Variants in DTWD2 observed in about 807,000 individuals in gnomAD.
DTWD2 encodes DTW motif tRNA-uridine aminocarboxypropyltransferase 2, also known as tRNA-uridine aminocarboxypropyltransferase 2.
In DTWD2, 39 loss-of-function variants were observed where a neutral mutation model predicts 31.8. The observed-to-expected ratio is 1.22, with a 90% CI of 0.95 to 1.60. The LOEUF is 1.60. Ranked by LOEUF, DTWD2 falls within the 40% of genes most tolerant of loss-of-function variation. The probability of loss-of-function intolerance (pLI) is 0.00; values close to 1 mark genes in which losing one functional copy is unlikely to be tolerated. For synonymous variants in DTWD2, 180 were observed against 142.8 expected (o/e 1.26, Z -1.86); for missense variants, 515 against 381.5 (o/e 1.35, Z -2.92).
intron 4 of DTWD2, among the ~76,000 whole-genome samples, chr5:118,920,778 G>T (rs1468228965): frequency 6.6e-6 from 1 of 152,126 alleles, no homozygotes; most frequent in Non-Finnish European, 1.5e-5. Flanking sequence ...ATATCTATGT[G>T]TTATTGTCAA....
intron 4 of DTWD2, among the ~76,000 whole-genome samples, chr5:118,896,690 A>C (rs1482251716): frequency 6.6e-6 from 1 of 152,234 alleles, no homozygotes; most frequent in Non-Finnish European, 1.5e-5. Context: ...ACATCAATTA[A>C]TACTGCTCAG....
At chr5:118,917,880 G>A (rs913752055) in intron 4 of DTWD2, among the ~76,000 whole-genome samples, 2 of 151,926 alleles carry the variant, frequency 1.3e-5, no homozygotes, top group African/African-American at 4.8e-5. Flanking sequence ...CAGGAGAATC[G>A]CTTGAACCCA....
intron 4 of DTWD2, among the ~76,000 whole-genome samples, chr5:118,872,844 G>C (rs1752536129): frequency 6.6e-6 from 1 of 152,210 alleles, no homozygotes; most frequent in Non-Finnish European, 1.5e-5. Flanking sequence ...CTAGAAGATG[G>C]CCAACTAGAC....
chr5:118,891,664 T>C (rs926153769), intron 4 of DTWD2, among the ~76,000 whole-genome samples: 2 of 152,220 alleles, frequency 1.3e-5, no homozygotes, highest in Admixed American at 6.5e-5. Flanking sequence ...CACAAAGTCA[T>C]TTCACTTTAT....
intron 4 of DTWD2, among the ~76,000 whole-genome samples, chr5:118,904,142 T>A (rs1004229191): frequency 1.3e-5 from 2 of 152,088 alleles, no homozygotes; most frequent in Non-Finnish European, 2.9e-5. Flanking sequence ...CTGTTGAGAT[T>A]ATGAGACCAC....
chr5:118,925,683 AAAATAC>A (rs1463770675), intron 4 of DTWD2, among the ~76,000 whole-genome samples: 1 of 151,964 alleles, frequency 6.6e-6, no homozygotes, highest in Non-Finnish European at 1.5e-5. Flanking sequence ...GTCTCTACTA[AAAATAC>A]AAAAAATTAG....
At chr5:118,856,485 G>A (rs1199483945) in intron 4 of DTWD2, among the ~76,000 whole-genome samples, 1 of 152,138 alleles carries the variant, frequency 6.6e-6, no homozygotes, top group African/African-American at 2.4e-5. Context: ...AAGTACAAGA[G>A]TGTCACTACA....
At chr5:118,971,757 A>T (rs1754992795) in intron 1 of DTWD2, among the ~76,000 whole-genome samples, 2 of 152,222 alleles carry the variant, frequency 1.3e-5, no homozygotes, top group Admixed American at 6.5e-5. Flanking sequence ...ATGCAAAAGA[A>T]CTGAAATGAT....
At chr5:118,874,539 C>T (rs1752579653) in intron 4 of DTWD2, among the ~76,000 whole-genome samples, 1 of 152,070 alleles carries the variant, frequency 6.6e-6, no homozygotes, top group Admixed American at 6.6e-5. Context: ...AGCTGAAAAA[C>T]ACACCATAAG....
intron 4 of DTWD2, among the ~76,000 whole-genome samples, chr5:118,877,370 G>A (rs1179328010): frequency 6.6e-6 from 1 of 152,080 alleles, no homozygotes; most frequent in Non-Finnish European, 1.5e-5. Flanking sequence ...TACTTGGGAG[G>A]CTGAGGCAGG....
At chr5:118,929,457 T>G (rs1753876005) in intron 3 of DTWD2, among the ~76,000 whole-genome samples, 1 of 151,358 alleles carries the variant, frequency 6.6e-6, no homozygotes, top group Non-Finnish European at 1.5e-5. Flanking sequence ...GCTGTTTCTG[T>G]ACCTCATTGC....
intron 4 of DTWD2, among the ~76,000 whole-genome samples, chr5:118,923,173 G>A (rs983478432): frequency 6.6e-6 from 1 of 152,016 alleles, no homozygotes; most frequent in Non-Finnish European, 1.5e-5. Flanking sequence ...CTTGTTACAG[G>A]TAGTTAGATA....
At chr5:118,844,731 C>T (rs967098632) in intron 5 of DTWD2, among the ~76,000 whole-genome samples, 1 of 152,180 alleles carries the variant, frequency 6.6e-6, no homozygotes, top group Non-Finnish European at 1.5e-5. Flanking sequence ...GCTTGAAAAA[C>T]TGCTCTAGAA....
chr5:118,987,932 T>C (rs1460000759), intron 1 of DTWD2, among the ~76,000 whole-genome samples: 3 of 152,220 alleles, frequency 2.0e-5, no homozygotes, highest in Non-Finnish European at 2.9e-5. Flanking sequence ...TTATGCTTTT[T>C]AACTGTGATA....
At chr5:118,908,361 C>A (rs1175498986) in intron 4 of DTWD2, among the ~76,000 whole-genome samples, 1 of 152,126 alleles carries the variant, frequency 6.6e-6, no homozygotes, top group African/African-American at 2.4e-5. Context: ...GTGTATCTAA[C>A]ACCCTAGATA....
At chr5:118,848,318 C>T in intron 4 of DTWD2, 100 bp from the exon 5 acceptor site, 2 of 1,124,642 alleles carry the variant, frequency 1.8e-6, no homozygotes, top group Non-Finnish European at 2.4e-6. Flanking sequence ...AAACTGCCAG[C>T]AGCTTAGAAG....
rs564029974 is a variant in DTWD2, at chr5:118,944,656, G to A, written c.219-7C>T. On this transcript the variant is annotated splice_region_variant and splice_polypyrimidine_tract_variant and intron_variant, in intron 1 of 5. Coordinates refer to ENST00000510708, the MANE Select transcript of DTWD2 (RefSeq NM_173666.4). ...ACACACTTTCTGAGGCCGGCTAAAG[G>A]GTAAAAAGAAAAATAAAACTGGTAA... 2.9e-5 allele frequency: 47 copies of A among 1,603,686 alleles called. No individual in the cohort carries two copies. The South Asian group carries it at 4.1e-4, about 14-fold the overall frequency.
At chr5:118,919,861 T>C (rs570986354) in intron 4 of DTWD2, among the ~76,000 whole-genome samples, 1 of 152,328 alleles carries the variant, frequency 6.6e-6, no homozygotes, top group Admixed American at 6.5e-5. Flanking sequence ...ACAGTGGCGT[T>C]TCACACTTCA....
intron 1 of DTWD2, among the ~76,000 whole-genome samples, chr5:118,953,183 T>C (rs1754504041): frequency 1.3e-5 from 2 of 152,220 alleles, no homozygotes; most frequent in African/African-American, 4.8e-5. Flanking sequence ...GTGGTGATGA[T>C]GCTGCTAGTG....
Sources: allele counts gnomAD v4.1 joint callset (sites outside exome capture counted in the v4.1 genomes callset), GRCh38; gene constraint gnomAD v4.1.1; transcripts MANE v1.5; gene names NCBI Gene and HGNC (gene_info 2026-07-23, HGNC 2026-07-21).